Variants in PNPLA7 observed in about 807,000 individuals in gnomAD.
PNPLA7 encodes the protein patatin-like phospholipase domain-containing protein 7.
A neutral mutation model predicts 161.7 loss-of-function variants in PNPLA7; 153 were observed. That is an observed-to-expected ratio of 0.95 (90% confidence interval 0.83 to 1.08). PNPLA7 has a LOEUF of 1.08. Among genes scored for constraint, PNPLA7 ranks in the 50% least tolerant of loss-of-function variants. The pLI is 0.00. For missense variants in PNPLA7, 1,739 were observed against 1,856.6 expected (o/e 0.94, Z 1.16); for synonymous variants, 809 against 782.1 (o/e 1.03, Z -0.57).
rs1469545311 is a variant in PNPLA7 at position 137,467,497 on chromosome 9, C to A, written c.2883-24G>T. The A allele has an allele frequency of 3.7e-5, 60 of 1,610,548 alleles. No individual in the cohort carries two copies. The highest frequency in any genetic ancestry group is 4.9e-5 in the Non-Finnish European group (58 of 1,179,006). Reference sequence around the variant, plus strand: ...CTCTACACCAGCCAGGGACACAGAGCAAGGAGTGAGTACCAGGCCCAGGCT... The same window carrying A: ...CTCTACACCAGCCAGGGACACAGAGAAAGGAGTGAGTACCAGGCCCAGGCT... On this transcript the variant is annotated intron_variant, in intron 25 of 34. Coordinates refer to ENST00000406427, the MANE Select transcript of PNPLA7 (RefSeq NM_001098537.3). This position sits in a 1 kb window ranked among gnomAD's most constrained non-coding sequence, Gnocchi z 5.1.
rs971781834 is a variant in PNPLA7, at chr9:137,480,893, G to C, written c.2411+67C>G. The C allele has an allele frequency of 1.1e-5, 16 of 1,468,520 alleles. No homozygotes were observed. In the Admixed American group the frequency reaches 1.6e-4, roughly 14 times the overall value. 91.0% of individuals were successfully genotyped at this position (1,468,520 alleles called of 1,614,324 possible). On this transcript the variant is annotated intron_variant, in intron 22 of 34. Transcript: ENST00000406427. ...AGTGCAGATGCTGGATGTGGACACA[G>C]TGGGGACACATCTCAGGGCTGCGTT...
rs368429680 is a variant in PNPLA7 at position 137,461,937 on chromosome 9, C to G, written c.3750G>C (p.Ala1250=). ...TCCGGACGCCCGTACTCACCGCACT[C>G]GCGGGCTTCTTGCTCGGCCCCTGCT... The part of the protein sequence containing the change: ...RDQQGPSKKP[A]SAVLTCPNAS... Residue 1250 remains alanine, a synonymous_variant, in exon 32 of 35, where the codon GCG becomes GCC. Coordinates refer to ENST00000406427, the MANE Select transcript of PNPLA7 (RefSeq NM_001098537.3). 1 of 1,571,226 alleles carries G rather than the reference C, an allele frequency of 6.4e-7. No homozygotes were observed.
At chr9:137,519,445 T>A (rs1588667688) in intron 11 of PNPLA7, among the ~76,000 whole-genome samples, 1 of 151,916 alleles carries the variant, frequency 6.6e-6, no homozygotes, top group African/African-American at 2.4e-5. Context: ...GAATGGAGGG[T>A]GAAGGGTCCT....
Position 137,517,726 on chromosome 9 carries a change from C to G in PNPLA7, c.1084+2191G>C, listed in dbSNP as rs563659307. ...CACTCCATCCCCCACTCACTCACTC[C>G]ACTCTATCCACTCCATCCCCCGTCA... On this transcript the variant is annotated intron_variant, in intron 11 of 34. Coordinates refer to ENST00000406427, the MANE Select transcript of PNPLA7 (RefSeq NM_001098537.3). Among the ~76,000 whole-genome samples, 30 of 73,288 alleles carry G rather than the reference C, an allele frequency of 4.1e-4. 1 individual carries two copies. The highest frequency in any genetic ancestry group is 7.6e-4 in the Non-Finnish European group (30 of 39,580). The allele number at this position is 73,288 out of a possible 152,430, so 48.1% of individuals were successfully genotyped here. A position where few individuals can be genotyped will look rare whatever the true frequency, so the allele number is the denominator to read the frequency against.
Position 137,460,482 on chromosome 9 carries a change from A to G in PNPLA7, c.3946-6T>C, listed in dbSNP as rs751371255. ...CGCAGTGAGGACTCGTCCTCCTGCA[A>G]GCAGACCGCATGTTCCAGGTGAGGA... On this transcript the variant is annotated splice_region_variant and splice_polypyrimidine_tract_variant and intron_variant, in intron 34 of 34. Coordinates refer to ENST00000406427, the MANE Select transcript of PNPLA7 (RefSeq NM_001098537.3). 1 of 1,612,268 alleles carries G rather than the reference A, an allele frequency of 6.2e-7. No homozygotes were observed. The highest frequency in any genetic ancestry group is 1.1e-5 in the South Asian group (1 of 91,066).
intron 14 of PNPLA7, 93 bp from the exon 15 acceptor site, chr9:137,501,820 A>G (rs1833441653): frequency 7.6e-7 from 1 of 1,317,834 alleles, no homozygotes; most frequent in Non-Finnish European, 1.1e-6. Flanking sequence ...AGGGGCAACG[A>G]GCGGTGAGGC....
At chr9:137,492,141 A>G in intron 20 of PNPLA7, 2 of 985,366 alleles carry the variant, frequency 2.0e-6, no homozygotes, top group Non-Finnish European at 2.4e-6. Flanking sequence ...GAGAGCTAAC[A>G]GTGGCTCCAG....
intron 8 of PNPLA7, among the ~76,000 whole-genome samples, chr9:137,535,341 GA>G (rs1485373258): frequency 2.0e-5 from 3 of 152,168 alleles, no homozygotes; most frequent in Non-Finnish European, 2.9e-5. Flanking sequence ...AAACAGAGAA[GA>G]AAAACTCAGG....
At chr9:137,531,304 C>T (rs777388779) in intron 8 of PNPLA7, among the ~76,000 whole-genome samples, 5 of 152,064 alleles carry the variant, frequency 3.3e-5, no homozygotes, top group Non-Finnish European at 5.9e-5. Flanking sequence ...TGTTTGGGGG[C>T]GGGTGGGGAA....
At chr9:137,479,315 A>G in intron 23 of PNPLA7, 77 bp from the exon 24 acceptor site, 4 of 1,410,738 alleles carry the variant, frequency 2.8e-6, no homozygotes, top group Non-Finnish European at 3.7e-6. Flanking sequence ...AGGCCAGCAC[A>G]GAGGGTCTGA....
chr9:137,530,187 G>C (rs560346131), intron 8 of PNPLA7, among the ~76,000 whole-genome samples: 2 of 150,552 alleles, frequency 1.3e-5, no homozygotes, highest in African/African-American at 2.4e-5. Context: ...GGACAGTCTT[G>C]ATCTCTTGAC....
At chr9:137,463,040 C>G (rs1213896830) in intron 29 of PNPLA7, 2 of 716,176 alleles carry the variant, frequency 2.8e-6, no homozygotes, top group Non-Finnish European at 2.2e-6. Flanking sequence ...GACCGTATAT[C>G]CCACAGGTGA....
chr9:137,492,897 G>C, intron 20 of PNPLA7, 116 bp downstream of exon 20: 1 of 826,964 alleles, frequency 1.2e-6, no homozygotes, highest in Non-Finnish European at 1.8e-6. Flanking sequence ...GGTGGGCAGG[G>C]CTCCAGGACA....
At chr9:137,527,385 G>T (rs1267707450) in intron 8 of PNPLA7, among the ~76,000 whole-genome samples, 1 of 151,980 alleles carries the variant, frequency 6.6e-6, no homozygotes, top group Non-Finnish European at 1.5e-5. Context: ...CACGATGTTT[G>T]CTTTCATTTT....
intron 18 of PNPLA7, 84 bp from the exon 19 acceptor site, chr9:137,495,230 G>T: frequency 1.1e-6 from 1 of 950,608 alleles, no homozygotes; most frequent in South Asian, 1.6e-5. Context: ...TCCGGTGCCT[G>T]CCAGAGCCAC....
At chr9:137,534,439 C>A (rs775565825) in intron 8 of PNPLA7, among the ~76,000 whole-genome samples, 3 of 150,214 alleles carry the variant, frequency 2.0e-5, no homozygotes, top group African/African-American at 7.4e-5. Flanking sequence ...CAGACTCAGA[C>A]AGGAGCACTC....
chr9:137,497,994 A>G (rs1329364915), intron 17 of PNPLA7, 120 bp downstream of exon 17: 3 of 1,467,428 alleles, frequency 2.0e-6, no homozygotes, highest in African/African-American at 1.4e-5. Flanking sequence ...CCAGCCTTCC[A>G]TGTGTGGTTT....
chr9:137,483,409 G>A (rs1425263312), intron 21 of PNPLA7, among the ~76,000 whole-genome samples: 1 of 152,202 alleles, frequency 6.6e-6, no homozygotes, highest in Non-Finnish European at 1.5e-5. Flanking sequence ...CATCAGACAA[G>A]GCAATCCATG....
Position 137,523,009 on chromosome 9 carries a change from C to CT in PNPLA7, c.748-153dup. ...CCAGGCTGGGCTGTGCAAAGTGCTG[C>CT]TTTTGGCACCAGCTGCACACGTTTT... On this transcript the variant is annotated intron_variant, in intron 8 of 34. Coordinates refer to ENST00000406427, the MANE Select transcript of PNPLA7 (RefSeq NM_001098537.3). This position sits in a 1 kb window ranked among gnomAD's most constrained non-coding sequence, Gnocchi z 4.4. The CT allele has an allele frequency of 1.9e-6, 2 of 1,060,530 alleles. No homozygotes were observed. Among genetic ancestry groups the CT allele is most frequent in the Non-Finnish European group, 2.7e-6 (2 of 737,828 alleles). The allele number at this position is 1,060,530 out of a possible 1,614,324, so 65.7% of individuals were successfully genotyped here.
Sources: allele counts gnomAD v4.1 joint callset (sites outside exome capture counted in the v4.1 genomes callset), GRCh38; gene constraint gnomAD v4.1.1; non-coding constraint Gnocchi (gnomAD v3.1); transcripts MANE v1.5; gene names NCBI Gene and HGNC (gene_info 2026-07-23, HGNC 2026-07-21).